AKNA: variants seen among roughly 807,000 people sequenced by gnomAD.
The protein encoded by AKNA is microtubule organization protein AKNA.
A neutral mutation model predicts 138.8 loss-of-function variants in AKNA; 67 were observed. The observed-to-expected ratio is 0.48, with a 90% CI of 0.40 to 0.59. AKNA has a LOEUF of 0.59. Among genes scored for constraint, AKNA ranks in the 20% least tolerant of loss-of-function variants. AKNA has a pLI of 0.00. For missense variants in AKNA, 1,813 were observed against 1,880.4 expected (o/e 0.96, Z 0.66); for synonymous variants, 737 against 754.4 (o/e 0.98, Z 0.38).
rs1831989626 is a variant in AKNA, at chr9:114,361,840, T to A, written c.1988A>T (p.Gln663Leu). 6.2e-7 allele frequency: 1 copy of A among 1,612,508 alleles called. No homozygotes were observed. The highest frequency in any genetic ancestry group is 8.5e-7 in the Non-Finnish European group (1 of 1,180,008). ...EELKEHIDQT[Q>L]QEPEPPGSDS... is the part of the protein sequence containing the mutation. ...TGACCCGGGCGGCTCAGGCTCTTGC[T>A]GGGTCTGGTCTATGTGTTCCTTCAG... is the stretch of plus-strand genomic sequence containing the variant. Residue 663 changes from glutamine (Q) to leucine (L), a missense_variant, in exon 9 of 22, where the codon CAG becomes CTG. Gln to Leu is a moderately radical substitution (Grantham distance 113). Coordinates refer to ENST00000374088, the MANE Select transcript of AKNA (RefSeq NM_001317950.2).
At chr9:114,397,133 G>T (rs558703441), upstream of AKNA, among the ~76,000 whole-genome samples, 44 of 152,296 alleles carry the variant, frequency 2.9e-4, 1 homozygote, top group South Asian at 8.7e-3. Context: ...GGAGGCAAAG[G>T]CCCCACGTGG....
rs1831978548 is a variant in AKNA at position 114,361,746 on chromosome 9, A to G, written c.2082T>C (p.Ser694=). 1 of 1,613,554 alleles carries G rather than the reference A, an allele frequency of 6.2e-7. No individual in the cohort carries two copies. Among genetic ancestry groups the G allele is most frequent in the Admixed American group, 1.7e-5 (1 of 60,000 alleles). Residue 694 remains serine (S), a synonymous_variant, in exon 9 of 22, where the codon TCT becomes TCC. Coordinates refer to ENST00000374088, the MANE Select transcript of AKNA (RefSeq NM_001317950.2). ...LHQPTHLPAP[S]GQAPMPAIKT... is the part of the protein sequence containing the mutation. ...TGATGGCTGGCATGGGGGCTTGTCC[A>G]GAAGGAGCAGGCAGGTGCGTTGGCT...
chr9:114,372,403 C>T (rs1006294104), intron 4 of AKNA, among the ~76,000 whole-genome samples: 5 of 152,166 alleles, frequency 3.3e-5, no homozygotes, highest in East Asian at 1.9e-4. Flanking sequence ...TGTGCTCCCC[C>T]GTGTCCACCC....
In AKNA at chr9:114,337,136, C is replaced by T. The variant is rs758418637; in HGVS notation, c.4238G>A (p.Arg1413His). Residue 1413 changes from arginine to histidine, a missense_variant, in exon 22 of 22, where the codon CGC (arginine) becomes CAC (histidine). Coordinates refer to ENST00000374088, the MANE Select transcript of AKNA (RefSeq NM_001317950.2). ...GCTTCTCATCTGCCTGGTGGTAGAG[C>T]GGACGCTCTCGGCAGCCTGCACGGC... Reference protein sequence around the residue: ...SRAVQAAESVRSTTRQMRSSL... With the variant: ...SRAVQAAESVHSTTRQMRSSL... 15 of 1,609,124 alleles carry T rather than the reference C, an allele frequency of 9.3e-6. No homozygotes were observed. The highest frequency in any genetic ancestry group is 1.8e-4 in the Middle Eastern group (1 of 5,646).
chr9:114,363,550 A>T (rs1832123349), intron 7 of AKNA, among the ~76,000 whole-genome samples: 1 of 152,240 alleles, frequency 6.6e-6, no homozygotes, highest in African/African-American at 2.4e-5. Flanking sequence ...AATGTACATG[A>T]CATCTATGTA....
At chr9:114,359,310 C>G (rs923372820) in intron 11 of AKNA, 5 of 529,662 alleles carry the variant, frequency 9.4e-6, no homozygotes, top group Non-Finnish European at 1.6e-5. Context: ...CTCAAGTGAT[C>G]CACCTGCCTT....
In AKNA at chr9:114,368,342, G is replaced by A. The variant is rs1832520743; in HGVS notation, c.1573+97C>T. ...CTTGCCTCCCTCCTTCCCCTGGCCTGAGGCCAGCGCCATCCCCAGGGTGAA... is the reference window on the plus strand; with the variant it reads ...CTTGCCTCCCTCCTTCCCCTGGCCTAAGGCCAGCGCCATCCCCAGGGTGAA... On this transcript the variant is annotated intron_variant, in intron 5 of 21. Transcript: ENST00000374088. 8 of 1,267,352 alleles carry A rather than the reference G, an allele frequency of 6.3e-6. No homozygotes were observed. The South Asian group carries it at 2.6e-4, about 42-fold the overall frequency. The allele number at this position is 1,267,352 out of a possible 1,614,324, so 78.5% of individuals were successfully genotyped here. A position where few individuals can be genotyped will look rare whatever the true frequency, so the allele number is the denominator to read the frequency against.
At position 114,374,519 on chromosome 9, in the gene AKNA, G is replaced by A. The variant is rs912283394; in HGVS notation, c.1342-352C>T. 3.3e-5 allele frequency among the ~76,000 whole-genome samples: 5 copies of A among 152,210 alleles called. No individual in the cohort carries two copies. In the East Asian group the frequency reaches 7.7e-4, roughly 23 times the overall value. On this transcript the variant is annotated intron_variant, in intron 3 of 21. Transcript: ENST00000374088. ...TGCCCACCGGTTGGCTCTGTGGGGTGAGGCCCATATCTTTCTTTCCCCCTG... is the reference window on the plus strand; with the variant it reads ...TGCCCACCGGTTGGCTCTGTGGGGTAAGGCCCATATCTTTCTTTCCCCCTG...
At chr9:114,345,793 C>A in intron 18 of AKNA, 70 bp downstream of exon 18, 1 of 1,482,236 alleles carries the variant, frequency 6.7e-7, no homozygotes, top group East Asian at 2.3e-5. Context: ...ATGGAAAGGG[C>A]TTCTCATAAC....
intron 2 of AKNA, among the ~76,000 whole-genome samples, chr9:114,380,451 C>T (rs375171359): frequency 6.6e-6 from 1 of 152,240 alleles, no homozygotes; most frequent in South Asian, 2.1e-4. Flanking sequence ...ATGTAGAATA[C>T]TGTTCCTTAT....
intron 12 of AKNA, 149 bp downstream of exon 12, chr9:114,357,772 G>T: frequency 7.7e-7 from 1 of 1,292,568 alleles, no homozygotes; most frequent in Non-Finnish European, 1.1e-6. Context: ...CATAAGTCCT[G>T]CATGTCAGGT....
intron 9 of AKNA, 27 bp downstream of exon 9, chr9:114,361,677 G>C (rs749211761): frequency 3.1e-6 from 5 of 1,610,810 alleles, no homozygotes; most frequent in Non-Finnish European, 4.2e-6. Context: ...CGAGGGAACA[G>C]CCCAATATGG....
At chr9:114,349,213 G>A (rs758305805) in intron 15 of AKNA, among the ~76,000 whole-genome samples, 1 of 152,198 alleles carries the variant, frequency 6.6e-6, no homozygotes, top group Non-Finnish European at 1.5e-5. Flanking sequence ...GGGGGCGTGA[G>A]TCAGCCACTT....
At chr9:114,356,198 G>T (rs973255182) in intron 13 of AKNA, 62 bp from the exon 14 acceptor site, 2 of 1,501,122 alleles carry the variant, frequency 1.3e-6, no homozygotes, top group Non-Finnish European at 1.8e-6. Flanking sequence ...TCAGGCGGCA[G>T]CATCTGAGCC....
Position 114,356,867 on chromosome 9 carries a change from T to C in AKNA, c.2842A>G (p.Ile948Val), listed in dbSNP as rs768692471. ...AATGGCGGGATCCCGGGATACCTGA[T>C]GTGGGAGAGCCGGTGCTCTGGAGTC... ...TQTPEHRLSH[I>V]STAGTLAQPF... The change falls in exon 13 of 22, where the codon ATC becomes GTC. Residue 948 changes from isoleucine to valine, a missense_variant. Ile to Val is a conservative substitution (Grantham distance 29). Coordinates refer to ENST00000374088, the MANE Select transcript of AKNA (RefSeq NM_001317950.2). The C allele has an allele frequency of 4.5e-6, 7 of 1,547,700 alleles. No individual in the cohort carries two copies. Among genetic ancestry groups the C allele is most frequent in the Non-Finnish European group, 6.1e-6 (7 of 1,155,808 alleles).
chr9:114,345,919 C>G lies in AKNA; in HGVS notation c.3605G>C (p.Arg1202Thr). 1 of 1,614,062 alleles carries G rather than the reference C, an allele frequency of 6.2e-7. No individual in the cohort carries two copies. The highest frequency in any genetic ancestry group is 1.3e-5 in the African/African-American group (1 of 75,042). The change falls in exon 18 of 22, where the codon AGA becomes ACA. Residue 1202 changes from arginine (R) to threonine (T), a missense_variant. By Grantham distance (71) the Arg-to-Thr change is moderately conservative. Transcript: ENST00000374088. ...DSPQAARDGK[R>T]GVGSAGWPDR... ...TGGCCATCCAGCACTGCCCACCCCT[C>G]TCTTTCCATCCCGAGCTGCCTGTGG...
intron 18 of AKNA, 152 bp from the exon 19 acceptor site, chr9:114,343,955 C>T (rs1443305207): frequency 4.7e-6 from 3 of 643,302 alleles, no homozygotes; most frequent in Non-Finnish European, 8.2e-6. Context: ...TGCATACACA[C>T]ATCATGTGTA....
Position 114,358,187 on chromosome 9 carries a change from C to T in AKNA, c.2493-20G>A, listed in dbSNP as rs758249740. Reference sequence around the variant, plus strand: ...GCCTCCCTGGCATGGGAAGAGAAGACCATCCTTGAGTTCTGCCAGGCAGCC... The same window carrying T: ...GCCTCCCTGGCATGGGAAGAGAAGATCATCCTTGAGTTCTGCCAGGCAGCC... On this transcript the variant is annotated intron_variant, in intron 11 of 21. Transcript: ENST00000374088. 5.6e-6 allele frequency: 9 copies of T among 1,613,404 alleles called. No individual in the cohort carries two copies. Among genetic ancestry groups the T allele is most frequent in the Admixed American group, 1.7e-5 (1 of 59,994 alleles).
Position 114,343,723 on chromosome 9 carries a change from T to C in AKNA, c.3742A>G (p.Arg1248Gly), listed in dbSNP as rs142443528. The change falls in exon 19 of 22, where the codon AGG (arginine) becomes GGG (glycine). Residue 1248 changes from arginine to glycine, a missense_variant. Physicochemically the swap from Arg to Gly is moderately radical, Grantham distance 125. Coordinates refer to ENST00000374088, the MANE Select transcript of AKNA (RefSeq NM_001317950.2). ...TVSCPHCRPI[R>G]TQDAGGAVTG... ...CATTCCTTACCCGCATCCTGGGTCC[T>C]AATGGGCCGGCAGTGGGGACAGGAG... 33 of 1,614,230 alleles carry C rather than the reference T, an allele frequency of 2.0e-5. No individual in the cohort carries two copies. The highest frequency in any genetic ancestry group is 2.6e-5 in the Non-Finnish European group (31 of 1,180,018).
Sources: allele counts gnomAD v4.1 joint callset (sites outside exome capture counted in the v4.1 genomes callset), GRCh38; gene constraint gnomAD v4.1.1; transcripts MANE v1.5; gene names NCBI Gene and HGNC (gene_info 2026-07-23, HGNC 2026-07-21).